Variants in VPS13B observed in about 807,000 individuals in gnomAD.
VPS13B encodes the protein intermembrane lipid transfer protein VPS13B.
In VPS13B, 285 loss-of-function variants were observed where a neutral mutation model predicts 426.4. The observed-to-expected ratio is 0.67, with a 90% CI of 0.61 to 0.74. The LOEUF (loss-of-function observed/expected upper bound fraction) is 0.74, where lower values mean the gene tolerates loss of function less well. Among genes scored for constraint, VPS13B ranks in the 30% least tolerant of loss-of-function variants. VPS13B has a pLI of 0.00. For missense variants in VPS13B, 4,537 were observed against 4,782.6 expected, an observed-to-expected ratio of 0.95 and a Z score of 1.51; for synonymous variants, 1,676 against 1,676.4, an observed-to-expected ratio of 1.00 and a Z score of 0.01.
At chr8:99,355,217 A>T (rs1315698447) in intron 19 of VPS13B, among the ~76,000 whole-genome samples, 1 of 152,168 alleles carries the variant, frequency 6.6e-6, no homozygotes, top group Non-Finnish European at 1.5e-5. Flanking sequence ...CTTTAATGTA[A>T]ATCAGCTTAT....
At chr8:99,813,330 A>G (rs961083681) in intron 44 of VPS13B, among the ~76,000 whole-genome samples, 1 of 152,190 alleles carries the variant, frequency 6.6e-6, no homozygotes, top group Admixed American at 6.5e-5. Flanking sequence ...ATGGTTGTGG[A>G]GATTCTGTGG....
chr8:99,255,385 A>G (rs915526394), intron 17 of VPS13B, among the ~76,000 whole-genome samples: 1 of 151,978 alleles, frequency 6.6e-6, no homozygotes, highest in Non-Finnish European at 1.5e-5. Context: ...AGTGACATCT[A>G]TTATCTTTTT....
chr8:99,091,080 A>G (rs545596690), intron 3 of VPS13B, among the ~76,000 whole-genome samples: 11 of 152,294 alleles, frequency 7.2e-5, no homozygotes, highest in Admixed American at 5.2e-4. Flanking sequence ...ATGTTCTGGC[A>G]TAGTTTAATA....
At chr8:99,264,333 G>A (rs746029104) in intron 17 of VPS13B, among the ~76,000 whole-genome samples, 10 of 151,466 alleles carry the variant, frequency 6.6e-5, no homozygotes, top group Admixed American at 2.6e-4. Flanking sequence ...TGGATCCCCT[G>A]TTTCTTAGAC....
intron 34 of VPS13B, among the ~76,000 whole-genome samples, chr8:99,644,643 A>T (rs922256346): frequency 1.4e-5 from 2 of 147,934 alleles, no homozygotes; most frequent in African/African-American, 5.0e-5. Context: ...ATTCTCATGG[A>T]TGCCTTTCCC....
At position 99,038,482 on chromosome 8, in the gene VPS13B, A is replaced by T. The variant is rs772922484; in HGVS notation, c.207A>T (p.Val69=). ...SGHIHELRIH[V]PWTKLGSEPV... ...ATATTCATGAATTGAGGATTCATGT[A>T]CCATGGACAAAACTGGGTTCAGAAC... The change falls in exon 3 of 62, where the codon GTA becomes GTT. Residue 69 remains valine (V), a synonymous_variant. Transcript: ENST00000357162. 1.5e-5 allele frequency: 24 copies of T among 1,612,188 alleles called. No homozygotes were observed. Among genetic ancestry groups the T allele is most frequent in the Middle Eastern group, 3.3e-4 (2 of 6,018 alleles).
chr8:99,156,730 A>G lies in VPS13B; in HGVS notation c.2195A>G (p.His732Arg). 6.2e-7 allele frequency: 1 copy of G among 1,613,950 alleles called. No homozygotes were observed. The highest frequency in any genetic ancestry group is 8.5e-7 in the Non-Finnish European group (1 of 1,179,860). The change falls in exon 15 of 62, where the codon CAC becomes CGC. Residue 732 changes from histidine to arginine, a missense_variant. Around this residue, in one of 2 missense-constraint regions of VPS13B, gnomAD observed 4,311 missense variants for 4,474.3 expected, o/e 0.96. Transcript: ENST00000357162. ...AACCTGCTTCATTATTGTTATGTAC[A>G]CTGCTATCTTAAGGTATGAAAAGTG... ...SDNLLHYCYVHCYLKIFGFQA... is the reference protein window; with the variant it reads ...SDNLLHYCYVRCYLKIFGFQA...
At chr8:99,337,339 A>T (rs1810961324) in intron 19 of VPS13B, among the ~76,000 whole-genome samples, 1 of 131,956 alleles carries the variant, frequency 7.6e-6, no homozygotes, top group Non-Finnish European at 1.6e-5. Context: ...TAGGAAGGGG[A>T]ACATCACACT....
intron 35 of VPS13B, chr8:99,697,533 T>A (rs1180811952): frequency 2.7e-6 from 2 of 728,458 alleles, no homozygotes; most frequent in Non-Finnish European, 5.0e-6. Context: ...CTGGAGCTGC[T>A]GAAGGAGGAC....
intron 33 of VPS13B, among the ~76,000 whole-genome samples, chr8:99,604,780 T>C (rs991496372): frequency 7.2e-5 from 11 of 152,050 alleles, no homozygotes; most frequent in African/African-American, 2.7e-4. Context: ...TCCTTGGTTT[T>C]GATGAGCTTG....
intron 17 of VPS13B, among the ~76,000 whole-genome samples, chr8:99,219,884 C>A (rs1815607392): frequency 6.6e-6 from 1 of 152,270 alleles, no homozygotes; most frequent in African/African-American, 2.4e-5. Context: ...TTCTGGGTGC[C>A]AAGCCTGGTA....
chr8:99,348,784 T>A (rs1186173611), intron 19 of VPS13B, among the ~76,000 whole-genome samples: 1 of 152,204 alleles, frequency 6.6e-6, no homozygotes, highest in African/African-American at 2.4e-5. Context: ...AAATCACTTG[T>A]TTCCTGCCAT....
chr8:99,510,227 G>A (rs962338254), intron 28 of VPS13B, among the ~76,000 whole-genome samples: 6 of 152,130 alleles, frequency 3.9e-5, no homozygotes, highest in African/African-American at 1.4e-4. Context: ...GCATGGTATC[G>A]ATGAGGCTTC....
At chr8:99,157,855 G>A (rs935533190) in intron 15 of VPS13B, among the ~76,000 whole-genome samples, 1 of 152,202 alleles carries the variant, frequency 6.6e-6, no homozygotes, top group African/African-American at 2.4e-5. Context: ...AAGTGAAACA[G>A]CCATATTGTT....
At chr8:99,350,787 AATTATAATAT>A in intron 19 of VPS13B, among the ~76,000 whole-genome samples, 1 of 151,738 alleles carries the variant, frequency 6.6e-6, no homozygotes, top group Non-Finnish European at 1.5e-5. Context: ...TGCAATATGT[AATTATAATAT>A]GTATATATAA....
intron 31 of VPS13B, among the ~76,000 whole-genome samples, chr8:99,559,884 A>G (rs137885807): frequency 0.17 from 26,473 of 151,982 alleles, 2,815 homozygotes; most frequent in East Asian, 0.39. Context: ...TGACTTGGCA[A>G]TGTGGGCTCT....
At chr8:99,625,014 G>A (rs984273419) in intron 33 of VPS13B, among the ~76,000 whole-genome samples, 23 of 151,862 alleles carry the variant, frequency 1.5e-4, no homozygotes, top group African/African-American at 4.8e-4. Context: ...TAGTAGAGAC[G>A]GAGTTTCTCC....
At chr8:99,474,903 C>T (rs752285512) in intron 24 of VPS13B, among the ~76,000 whole-genome samples, 19 of 152,086 alleles carry the variant, frequency 1.2e-4, no homozygotes, top group Non-Finnish European at 2.5e-4. Context: ...ATGTATATAG[C>T]AGCTTTATTT....
At chr8:99,264,221 T>C (rs1818191317) in intron 17 of VPS13B, among the ~76,000 whole-genome samples, 1 of 151,906 alleles carries the variant, frequency 6.6e-6, no homozygotes, top group African/African-American at 2.4e-5. Context: ...TTTTTTTTTT[T>C]AATGCTTTTT....
Sources: allele counts gnomAD v4.1 joint callset (sites outside exome capture counted in the v4.1 genomes callset), GRCh38; gene constraint gnomAD v4.1.1; regional missense constraint gnomAD v4.1.1; transcripts MANE v1.5; gene names NCBI Gene and HGNC (gene_info 2026-07-23, HGNC 2026-07-21).